PPP2R1A: variants seen among roughly 807,000 people sequenced by gnomAD.
PPP2R1A encodes protein phosphatase 2 scaffold subunit Aalpha, also known as serine/threonine-protein phosphatase 2A 65 kDa regulatory subunit A alpha isoform.
PPP2R1A carries 15 observed loss-of-function variants against 67.1 expected under a neutral mutation model. The ratio of observed to expected loss-of-function variants is 0.22; its 90% CI spans 0.15 to 0.34. PPP2R1A has a LOEUF of 0.34. PPP2R1A is among the 10% of genes least tolerant of loss of function. The pLI is 1.00. For synonymous variants in PPP2R1A, 337 were observed against 325.0 expected, an observed-to-expected ratio of 1.04 and a Z score of -0.40; for missense variants, 369 against 775.0, an observed-to-expected ratio of 0.48 and a Z score of 6.22.
In PPP2R1A at chr19:52,216,668, G is replaced by A; in HGVS notation, c.1128+5G>A. ...CTGGCTCAGCTGAAGGATGAGGTAAGGGCACCAGGATCTCAGCTCTGGGTT... is the reference window on the plus strand; with the variant it reads ...CTGGCTCAGCTGAAGGATGAGGTAAAGGCACCAGGATCTCAGCTCTGGGTT... On this transcript the variant is annotated splice_donor_5th_base_variant and intron_variant, in intron 9 of 14. Transcript: ENST00000322088. This position sits in a 1 kb window ranked among gnomAD's most constrained non-coding sequence, Gnocchi z 4.3. 6.2e-7 allele frequency: 1 copy of A among 1,614,128 alleles called. No homozygotes were observed. Among genetic ancestry groups the A allele is most frequent in the Non-Finnish European group, 8.5e-7 (1 of 1,180,028 alleles).
At chr19:52,202,825 C>T (rs1383577069) in intron 2 of PPP2R1A, among the ~76,000 whole-genome samples, 1 of 152,192 alleles carries the variant, frequency 6.6e-6, no homozygotes, top group Non-Finnish European at 1.5e-5. Context: ...ATTATGTAAC[C>T]TAACATGAAG....
At position 52,212,804 on chromosome 19, in the gene PPP2R1A, A is replaced by T. The variant is rs1165640424; in HGVS notation, c.622A>T (p.Met208Leu). The T allele has an allele frequency of 1.9e-6, 3 of 1,610,062 alleles. No individual in the cohort carries two copies. Among genetic ancestry groups the T allele is most frequent in the Non-Finnish European group, 2.5e-6 (3 of 1,177,632 alleles). ...CAACGTCAAGAGTGAGATCATCCCC[A>T]TGTTCTCCAACCTGGCCTCTGACGA... ...LDNVKSEIIP[M>L]FSNLASDEQD... is the part of the protein sequence containing the mutation. The change falls in exon 5 of 15, where the codon ATG becomes TTG. Residue 208 changes from methionine (M) to leucine (L), a missense_variant. Around this residue, in one of 2 missense-constraint regions of PPP2R1A, gnomAD observed 276 missense variants for 508.4 expected, o/e 0.54. Transcript: ENST00000322088. The surrounding 1 kb of genome is among the most constrained non-coding windows in gnomAD (Gnocchi z 4.1).
chr19:52,211,506 T>C lies in PPP2R1A; in HGVS notation c.503+14T>C. On this transcript the variant is annotated intron_variant, in intron 4 of 14. Transcript: ENST00000322088. This position sits in a 1 kb window ranked among gnomAD's most constrained non-coding sequence, Gnocchi z 5.3. ...GGAACTTCGACAGTGAGTCTCTGCC[T>C]CCTTGGAAGCTCCAAGCTCCCATCT... The C allele has an allele frequency of 6.3e-7, 1 of 1,594,994 alleles. No individual in the cohort carries two copies. The highest frequency in any genetic ancestry group is 8.6e-7 in the Non-Finnish European group (1 of 1,168,210).
chr19:52,197,903 G>C (rs111674889), intron 1 of PPP2R1A, among the ~76,000 whole-genome samples: 1 of 152,158 alleles, frequency 6.6e-6, no homozygotes, highest in African/African-American at 2.4e-5. Context: ...CTGGGGCATA[G>C]TAGAGACTAA....
chr19:52,205,518 C>A (rs16983557), intron 2 of PPP2R1A, among the ~76,000 whole-genome samples: 19,514 of 152,122 alleles, frequency 0.13, 1,308 homozygotes, highest in Non-Finnish European at 0.15. Context: ...GGCGGCTAAA[C>A]TGAATCTCCA....
chr19:52,226,479 A>T lies in PPP2R1A; in HGVS notation c.*498A>T. 1 of 242,522 alleles carries T rather than the reference A, an allele frequency of 4.1e-6. No individual in the cohort carries two copies. Among genetic ancestry groups the T allele is most frequent in the Non-Finnish European group, 8.1e-6 (1 of 124,204 alleles). 15.0% of individuals were successfully genotyped at this position (242,522 alleles called of 1,614,324 possible). On this transcript the variant is annotated 3_prime_UTR_variant, in exon 15 of 15. Coordinates refer to ENST00000322088, the MANE Select transcript of PPP2R1A (RefSeq NM_014225.6). Reference sequence around the variant, plus strand: ...GGGGGCACCACCCCAGAGCCACAACATCTGCGCTTTTCTCTGGAGAAGATC... The same window carrying T: ...GGGGGCACCACCCCAGAGCCACAACTTCTGCGCTTTTCTCTGGAGAAGATC...
chr19:52,218,042 A>G (rs897364147), intron 9 of PPP2R1A, among the ~76,000 whole-genome samples: 3 of 152,132 alleles, frequency 2.0e-5, no homozygotes, highest in African/African-American at 7.2e-5. Context: ...GTATGTAGAG[A>G]TGAGGCTGCA....
chr19:52,204,564 C>G (rs2089583752), intron 2 of PPP2R1A, among the ~76,000 whole-genome samples: 1 of 152,140 alleles, frequency 6.6e-6, no homozygotes, highest in South Asian at 2.1e-4. Context: ...GGTGTTTGGC[C>G]TTCAGCAGCA....
Position 52,211,400 on chromosome 19 carries a change from C to T in PPP2R1A, c.411C>T (p.Gly137=), listed in dbSNP as rs571582129. 211 of 1,613,332 alleles carry T rather than the reference C, an allele frequency of 1.3e-4. 2 individuals are homozygous for T. In the South Asian group the frequency reaches 1.7e-3, roughly 13 times the overall value. ...TGCCGCTAGTGAAGCGGCTGGCGGGCGGCGACTGGTTCACCTCCCGCACCT... is the reference window on the plus strand; with the variant it reads ...TGCCGCTAGTGAAGCGGCTGGCGGGTGGCGACTGGTTCACCTCCCGCACCT... The part of the protein sequence containing the change: ...HFVPLVKRLA[G]GDWFTSRTSA... The change falls in exon 4 of 15, where the codon GGC becomes GGT. Residue 137 remains glycine (G), a synonymous_variant. Transcript: ENST00000322088. This position sits in a 1 kb window ranked among gnomAD's most constrained non-coding sequence, Gnocchi z 5.3.
intron 10 of PPP2R1A, 51 bp from the exon 11 acceptor site, chr19:52,220,138 C>G (rs1284353581): frequency 1.9e-6 from 3 of 1,580,490 alleles, no homozygotes; most frequent in Middle Eastern, 1.7e-4. Context: ...GCAGCTCCCC[C>G]TGTTTGCTCT....
At chr19:52,194,709 C>G (rs1486988566) in intron 1 of PPP2R1A, among the ~76,000 whole-genome samples, 1 of 152,092 alleles carries the variant, frequency 6.6e-6, no homozygotes, top group African/African-American at 2.4e-5. Flanking sequence ...TCTGTGTGCC[C>G]CTGGAGCAGT....
intron 3 of PPP2R1A, among the ~76,000 whole-genome samples, chr19:52,209,606 C>T (rs2089644344): frequency 6.6e-6 from 1 of 152,064 alleles, no homozygotes; most frequent in Admixed American, 6.5e-5. Context: ...CAGCCATTAT[C>T]ACCCTCCATC....
At chr19:52,191,468 C>T (rs547573158) in intron 1 of PPP2R1A, 7 of 152,212 alleles carry the variant, frequency 4.6e-5, no homozygotes, top group African/African-American at 1.7e-4. Context: ...TAAAGAGGTC[C>T]CATCCTCCCT....
chr19:52,215,676 C>G, intron 6 of PPP2R1A, 103 bp from the exon 7 acceptor site: 4 of 926,528 alleles, frequency 4.3e-6, no homozygotes, highest in Non-Finnish European at 6.9e-6. Context: ...AAGGCCCACG[C>G]TCTGTCCCCT....
At chr19:52,195,188 A>G (rs1418287464) in intron 1 of PPP2R1A, among the ~76,000 whole-genome samples, 1 of 152,082 alleles carries the variant, frequency 6.6e-6, no homozygotes, top group Non-Finnish European at 1.5e-5. Context: ...CCACAGGTGC[A>G]TATAGTGGGA....
rs909306965 is a variant in PPP2R1A, at chr19:52,219,208, A to T, written c.1129-483A>T. On this transcript the variant is annotated intron_variant, in intron 9 of 14. Coordinates refer to ENST00000322088, the MANE Select transcript of PPP2R1A (RefSeq NM_014225.6). This position sits in a 1 kb window ranked among gnomAD's most constrained non-coding sequence, Gnocchi z 4.0. ...GAATGTGCAGGGTTTCAACAGCCCA[A>T]GCCTGCCAGGCTTGTTCACTTGGTT... Among the ~76,000 whole-genome samples, 11 of 152,374 alleles carry T rather than the reference A, an allele frequency of 7.2e-5. No homozygotes were observed. The East Asian group carries it at 1.7e-3, about 24-fold the overall frequency.
At chr19:52,205,735 T>C (rs1284739719) in intron 2 of PPP2R1A, among the ~76,000 whole-genome samples, 1 of 152,166 alleles carries the variant, frequency 6.6e-6, no homozygotes, top group Non-Finnish European at 1.5e-5. Context: ...TCAGTCAGTA[T>C]TTCACACCCG....
rs75257879 is a variant in PPP2R1A at position 52,213,488 on chromosome 19, A to C, written c.807+378A>C. Among the ~76,000 whole-genome samples, 2 of 25,056 alleles carry C rather than the reference A, an allele frequency of 8.0e-5. No individual in the cohort carries two copies. The highest frequency in any genetic ancestry group is 5.2e-4 in the African/African-American group (2 of 3,856). 16.4% of individuals were successfully genotyped at this position (25,056 alleles called of 152,430 possible). On this transcript the variant is annotated intron_variant, in intron 6 of 14. Coordinates refer to ENST00000322088, the MANE Select transcript of PPP2R1A (RefSeq NM_014225.6). The surrounding 1 kb of genome is among the most constrained non-coding windows in gnomAD (Gnocchi z 4.2). ...TTTTTTTTTTTTTTTTTTTTTTTTT[A>C]AGATGGAGTCTGTCGCCCAGGCTAG...
chr19:52,194,442 G>A (rs924508773), intron 1 of PPP2R1A, among the ~76,000 whole-genome samples: 5 of 152,046 alleles, frequency 3.3e-5, no homozygotes, highest in Non-Finnish European at 7.4e-5. Context: ...GGAGGGAGGA[G>A]GAGGAATTGC....
Sources: gnomAD v4.1 joint callset for allele counts (sites outside exome capture counted in the v4.1 genomes callset) on GRCh38, gnomAD v4.1.1 for gene constraint, gnomAD v4.1.1 regional missense constraint, Gnocchi (gnomAD v3.1) non-coding constraint, MANE v1.5 for transcripts, NCBI Gene and HGNC (gene_info 2026-07-23, HGNC 2026-07-21) for gene names.